PLA2G4C: variants seen among roughly 807,000 people sequenced by gnomAD.
PLA2G4C encodes the protein cytosolic phospholipase A2 gamma.
A neutral mutation model predicts 73.8 loss-of-function variants in PLA2G4C; 64 were observed. The ratio of observed to expected loss-of-function variants is 0.87; its 90% CI spans 0.71 to 1.07. The LOEUF (loss-of-function observed/expected upper bound fraction) is 1.07. Among genes scored for constraint, PLA2G4C ranks in the 50% least tolerant of loss-of-function variants. The probability of loss-of-function intolerance (pLI) is 0.00; values close to 1 mark genes in which losing one functional copy is unlikely to be tolerated. For synonymous variants in PLA2G4C, 254 were observed against 252.1 expected, an observed-to-expected ratio of 1.01 and a Z score of -0.07; for missense variants, 622 against 665.4, an observed-to-expected ratio of 0.93 and a Z score of 0.72.
At chr19:48,048,965 G>A (rs1967622513) in intron 16 of PLA2G4C, among the ~76,000 whole-genome samples, 1 of 152,106 alleles carries the variant, frequency 6.6e-6, no homozygotes. Flanking sequence ...TAGTTCACTT[G>A]AGATCTGGTT....
chr19:48,077,873 T>C, intron 10 of PLA2G4C, 49 bp from the exon 11 acceptor site: 2 of 1,480,674 alleles, frequency 1.4e-6, no homozygotes, highest in Non-Finnish European at 1.9e-6. Context: ...AAGTCACTAG[T>C]TATAGAAAAT....
chr19:48,084,040 TTG>T (rs71181645), intron 10 of PLA2G4C, among the ~76,000 whole-genome samples: 11,135 of 138,982 alleles, frequency 0.08, 833 homozygotes, highest in East Asian at 0.24. Flanking sequence ...AATGCCAATT[TTG>T]TGTGTGTGTG....
At position 48,095,607 on chromosome 19, in the gene PLA2G4C, G is replaced by C. The variant is rs778415187; in HGVS notation, c.569-3C>G. Reference sequence around the variant, plus strand: ...AGGGGTGAACTCGAACCAGGTCTCTGCAGAGGAAATACAACGGCAAGTGAG... The same window carrying C: ...AGGGGTGAACTCGAACCAGGTCTCTCCAGAGGAAATACAACGGCAAGTGAG... On this transcript the variant is annotated splice_polypyrimidine_tract_variant and splice_region_variant and intron_variant, in intron 6 of 16. Coordinates refer to ENST00000599921, the MANE Select transcript of PLA2G4C (RefSeq NM_003706.3). The C allele has an allele frequency of 5.6e-6, 9 of 1,613,868 alleles. No homozygotes were observed. Among genetic ancestry groups the C allele is most frequent in the Non-Finnish European group, 7.6e-6 (9 of 1,179,930 alleles).
chr19:48,099,231 T>C (rs2031773796), intron 5 of PLA2G4C, among the ~76,000 whole-genome samples: 3 of 152,102 alleles, frequency 2.0e-5, no homozygotes, highest in Admixed American at 2.0e-4. Context: ...ATCTCGCCAC[T>C]GCACTCCAGC....
At chr19:48,109,189 C>T (rs2032368995) in intron 1 of PLA2G4C, among the ~76,000 whole-genome samples, 1 of 140,050 alleles carries the variant, frequency 7.1e-6, no homozygotes, top group Non-Finnish European at 1.5e-5. Context: ...TAATCAGCTT[C>T]CCCCCACCAC....
At chr19:48,100,295 T>C (rs969331618) in intron 4 of PLA2G4C, among the ~76,000 whole-genome samples, 1 of 152,012 alleles carries the variant, frequency 6.6e-6, no homozygotes, top group Non-Finnish European at 1.5e-5. Context: ...GGCGGGAGGA[T>C]TGCCTGAGGT....
chr19:48,049,656 A>ATGT (rs1967648056), intron 16 of PLA2G4C, among the ~76,000 whole-genome samples: 1 of 152,186 alleles, frequency 6.6e-6, no homozygotes. Flanking sequence ...GAGCAAAGTG[A>ATGT]TGTGGTTCCT....
intron 2 of PLA2G4C, among the ~76,000 whole-genome samples, chr19:48,106,121 T>G (rs1170460481): frequency 1.3e-5 from 2 of 150,220 alleles, no homozygotes; most frequent in Non-Finnish European, 3.0e-5. Context: ...TCTTGCTCTG[T>G]TGCCCACCAC....
At chr19:48,060,106 A>G (rs2122469439) in intron 14 of PLA2G4C, among the ~76,000 whole-genome samples, 1 of 151,974 alleles carries the variant, frequency 6.6e-6, no homozygotes, top group South Asian at 2.1e-4. Context: ...ACTCGGACTG[A>G]GCCACTATTG....
intron 9 of PLA2G4C, among the ~76,000 whole-genome samples, chr19:48,086,383 C>A (rs941098699): frequency 3.9e-5 from 6 of 152,148 alleles, no homozygotes; most frequent in African/African-American, 1.4e-4. Context: ...GCAGCAGAGG[C>A]AGAAACATTC....
At position 48,054,890 on chromosome 19, in the gene PLA2G4C, C is replaced by T. The variant is rs1385831292; in HGVS notation, c.1417G>A (p.Asp473Asn). The T allele has an allele frequency of 1.9e-6, 3 of 1,613,920 alleles. No homozygotes were observed. The highest frequency in any genetic ancestry group is 2.5e-6 in the Non-Finnish European group (3 of 1,180,004). ...CCCCTGCACCTACCTCCACAGGCAT[C>T]TATGTTGAACAGGGGAAAATGCATC... ...VVMHFPLFNI[D>N]ACGGDIEAWS... Residue 473 changes from aspartate to asparagine, a missense_variant, in exon 15 of 17, where the codon GAT becomes AAT. Transcript: ENST00000599921.
At chr19:48,067,264 T>G (rs531222706) in intron 13 of PLA2G4C, among the ~76,000 whole-genome samples, 1 of 151,404 alleles carries the variant, frequency 6.6e-6, no homozygotes, top group Non-Finnish European at 1.5e-5. Context: ...GCCTCCTGGG[T>G]TCAAACGATT....
At chr19:48,073,376 G>A (rs1301975723) in intron 12 of PLA2G4C, among the ~76,000 whole-genome samples, 3 of 152,156 alleles carry the variant, frequency 2.0e-5, no homozygotes, top group African/African-American at 7.2e-5. Flanking sequence ...GCCCAGTCGG[G>A]GATGGACTTG....
chr19:48,082,503 T>C (rs947707013), intron 10 of PLA2G4C, among the ~76,000 whole-genome samples: 8 of 136,598 alleles, frequency 5.9e-5, no homozygotes, highest in East Asian at 4.0e-4. Context: ...TTTCTTTTTT[T>C]TTTTTTTTTT....
chr19:48,067,716 G>GC, intron 13 of PLA2G4C, 75 bp downstream of exon 13: 2 of 991,350 alleles, frequency 2.0e-6, no homozygotes, highest in African/African-American at 3.2e-5. Flanking sequence ...ATTGTTTCAG[G>GC]CCCACCCCCT....
At position 48,067,859 on chromosome 19, in the gene PLA2G4C, A is replaced by G. The variant is rs141930565; in HGVS notation, c.1034T>C (p.Val345Ala). The G allele has an allele frequency of 1.9e-6, 3 of 1,613,766 alleles. No individual in the cohort carries two copies. In the East Asian group the frequency reaches 6.7e-5, roughly 36 times the overall value. ...TGAAGCGCAAATGCCTGTTTTCTTC[A>G]CAAAATCCATCAAGTTACTGAGTGA... ...KGSLSNLMDF[V>A]KKTGICASKW... Residue 345 changes from valine (V) to alanine (A), a missense_variant, in exon 13 of 17, where the codon GTG becomes GCG. Transcript: ENST00000599921.
intron 10 of PLA2G4C, among the ~76,000 whole-genome samples, chr19:48,083,734 A>G (rs2030796585): frequency 6.6e-6 from 1 of 152,032 alleles, no homozygotes; most frequent in Admixed American, 6.6e-5. Context: ...GGTGTGAGCC[A>G]CTGCGCCCGG....
chr19:48,092,986 G>T (rs1382985615), intron 7 of PLA2G4C, among the ~76,000 whole-genome samples: 1 of 152,108 alleles, frequency 6.6e-6, no homozygotes, highest in Non-Finnish European at 1.5e-5. Flanking sequence ...TAAAATACAC[G>T]TACAGAATCC....
intron 13 of PLA2G4C, among the ~76,000 whole-genome samples, chr19:48,065,685 A>G (rs1028795785): frequency 3.9e-5 from 6 of 152,168 alleles, no homozygotes; most frequent in African/African-American, 1.4e-4. Flanking sequence ...AAGAGTTATT[A>G]GCAATAGAAA....
Sources: allele counts gnomAD v4.1 joint callset (sites outside exome capture counted in the v4.1 genomes callset), GRCh38; gene constraint gnomAD v4.1.1; transcripts MANE v1.5; gene names NCBI Gene and HGNC (gene_info 2026-07-23, HGNC 2026-07-21).